CNTN5: variants seen among roughly 807,000 people sequenced by gnomAD.
CNTN5 encodes the protein contactin 5, also known as contactin-5.
Under a neutral mutation model 129.1 loss-of-function variants are expected in CNTN5, and 77 were observed. The observed-to-expected ratio is 0.60, with a 90% CI of 0.50 to 0.72. CNTN5 has a LOEUF of 0.72. Among genes scored for constraint, CNTN5 ranks in the 30% least tolerant of loss-of-function variants. The probability of loss-of-function intolerance (pLI) is 0.00; values close to 1 mark genes in which losing one functional copy is unlikely to be tolerated. For missense variants in CNTN5, 1,478 were observed against 1,328.8 expected, an observed-to-expected ratio of 1.11 and a Z score of -1.75; for synonymous variants, 509 against 465.6, an observed-to-expected ratio of 1.09 and a Z score of -1.20.
chr11:99,401,565 T>G (rs1464079886), intron 2 of CNTN5, among the ~76,000 whole-genome samples: 2 of 152,180 alleles, frequency 1.3e-5, no homozygotes, highest in African/African-American at 4.8e-5. Flanking sequence ...TTGGTTGTTC[T>G]GTACTTTTGT....
rs1308191603 is a variant in CNTN5 at position 99,958,325 on chromosome 11, A to T, written c.877+1316A>T. On this transcript the variant is annotated intron_variant, in intron 8 of 24. Coordinates refer to ENST00000524871, the MANE Select transcript of CNTN5 (RefSeq NM_014361.4). ...ATAATTAATGAATTACAGGCTTTGG[A>T]GTAGGTGGAGGCTAGCATACACAAA... 2.6e-5 allele frequency among the ~76,000 whole-genome samples: 4 copies of T among 152,364 alleles called. No homozygotes were observed. In the East Asian group the frequency reaches 7.7e-4, roughly 29 times the overall value.
intron 3 of CNTN5, among the ~76,000 whole-genome samples, chr11:99,632,214 A>C (rs1951384048): frequency 6.6e-6 from 1 of 150,660 alleles, no homozygotes; most frequent in South Asian, 2.2e-4. Context: ...ATAATGTACA[A>C]ATATGTACAT....
At chr11:100,019,094 ACTGT>A (rs1182567136) in intron 9 of CNTN5, among the ~76,000 whole-genome samples, 3 of 151,876 alleles carry the variant, frequency 2.0e-5, no homozygotes, top group Admixed American at 6.6e-5. Flanking sequence ...CCACTCTGGG[ACTGT>A]CTTTTTATTG....
chr11:100,222,676 C>G (rs984237362), intron 15 of CNTN5, among the ~76,000 whole-genome samples: 1 of 151,336 alleles, frequency 6.6e-6, no homozygotes, highest in East Asian at 1.9e-4. Context: ...AGCCACAAAA[C>G]AACATCAACA....
intron 21 of CNTN5, among the ~76,000 whole-genome samples, chr11:100,326,754 A>G (rs745321139): frequency 1.3e-5 from 2 of 152,196 alleles, no homozygotes; most frequent in Non-Finnish European, 2.9e-5. Flanking sequence ...AAATGATGTG[A>G]GAGAGAGTGA....
At chr11:100,105,555 C>T (rs1356950586) in intron 13 of CNTN5, among the ~76,000 whole-genome samples, 1 of 152,136 alleles carries the variant, frequency 6.6e-6, no homozygotes, top group Admixed American at 6.6e-5. Flanking sequence ...CAGATACAAA[C>T]CAATATCGGA....
chr11:99,971,822 T>C (rs1421576516), intron 8 of CNTN5, among the ~76,000 whole-genome samples: 3 of 151,592 alleles, frequency 2.0e-5, no homozygotes, highest in Non-Finnish European at 4.4e-5. Flanking sequence ...ATTTTTAAAT[T>C]ATAATATTTA....
chr11:99,060,826 G>T (rs1864843084), intron 1 of CNTN5, among the ~76,000 whole-genome samples: 1 of 152,056 alleles, frequency 6.6e-6, no homozygotes, highest in Admixed American at 6.6e-5. Context: ...TGACTCAAAA[G>T]CTCTTCAAAG....
At chr11:99,224,856 T>C (rs1260651308) in intron 1 of CNTN5, among the ~76,000 whole-genome samples, 2 of 151,970 alleles carry the variant, frequency 1.3e-5, no homozygotes, top group African/African-American at 2.4e-5. Context: ...CCCTTGGGTC[T>C]GGGATGATTC....
intron 3 of CNTN5, among the ~76,000 whole-genome samples, chr11:99,588,286 G>A (rs1185743736): frequency 6.8e-6 from 1 of 146,662 alleles, no homozygotes; most frequent in Non-Finnish European, 1.5e-5. Flanking sequence ...AGAGCTTGCC[G>A]TGAGCCAAGA....
intron 13 of CNTN5, among the ~76,000 whole-genome samples, chr11:100,189,961 A>G (rs1948427248): frequency 6.6e-6 from 1 of 152,142 alleles, no homozygotes; most frequent in African/African-American, 2.4e-5. Context: ...ATGTAAGTAT[A>G]AATTCCTGGG....
intron 6 of CNTN5, among the ~76,000 whole-genome samples, chr11:99,845,680 G>T (rs113675863): frequency 7.9e-5 from 12 of 152,128 alleles, no homozygotes; most frequent in African/African-American, 2.9e-4. Context: ...CCCTTCTTGG[G>T]ATATTTTGAA....
intron 7 of CNTN5, among the ~76,000 whole-genome samples, chr11:99,917,625 T>C (rs1374780731): frequency 1.3e-5 from 2 of 152,098 alleles, no homozygotes; most frequent in Admixed American, 1.3e-4. Context: ...AAGTGACCCC[T>C]GTGGGAAAAT....
At chr11:100,037,494 G>A (rs1423625781) in intron 9 of CNTN5, among the ~76,000 whole-genome samples, 3 of 152,040 alleles carry the variant, frequency 2.0e-5, no homozygotes, top group Non-Finnish European at 1.5e-5. Context: ...AAATGAGTTA[G>A]GGAGGATTCC....
chr11:99,889,327 TGTGTGTG>T (rs779160369), intron 6 of CNTN5, among the ~76,000 whole-genome samples: 19,789 of 76,194 alleles, frequency 0.26, 1,932 homozygotes, highest in Non-Finnish European at 0.3. Flanking sequence ...TGTGTGTGTG[TGTGTGTG>T]TGTGTGTGTG....
chr11:100,309,347 G>C (rs1951422764), intron 21 of CNTN5: 1 of 982,578 alleles, frequency 1.0e-6, no homozygotes, highest in Non-Finnish European at 1.2e-6. Flanking sequence ...AATTCTATTT[G>C]AGTTTTCAAA....
At chr11:100,142,450 A>G (rs775015194) in intron 13 of CNTN5, among the ~76,000 whole-genome samples, 28 of 152,206 alleles carry the variant, frequency 1.8e-4, no homozygotes, top group Non-Finnish European at 4.1e-4. Flanking sequence ...AAATCCAAAC[A>G]TACTAACTGC....
At chr11:99,546,731 C>A (rs900022862) in intron 2 of CNTN5, among the ~76,000 whole-genome samples, 1 of 152,076 alleles carries the variant, frequency 6.6e-6, no homozygotes, top group African/African-American at 2.4e-5. Context: ...GGATACTTTG[C>A]GGTCTGGCCT....
chr11:99,774,100 T>G (rs535187316), intron 3 of CNTN5, among the ~76,000 whole-genome samples: 24 of 152,104 alleles, frequency 1.6e-4, no homozygotes, highest in Admixed American at 5.2e-4. Context: ...GCTTCTTCCT[T>G]GACATTTTTT....
Sources: allele counts gnomAD v4.1 joint callset (sites outside exome capture counted in the v4.1 genomes callset), GRCh38; gene constraint gnomAD v4.1.1; transcripts MANE v1.5; gene names NCBI Gene and HGNC (gene_info 2026-07-23, HGNC 2026-07-21).